MAP3K13: variants seen among roughly 807,000 people sequenced by gnomAD.
The protein encoded by MAP3K13 is mitogen-activated protein kinase kinase kinase 13.
Under a neutral mutation model 104.0 loss-of-function variants are expected in MAP3K13, and 52 were observed. That is an observed-to-expected ratio of 0.50 (90% CI 0.40 to 0.63). MAP3K13 has a LOEUF of 0.63. Among genes scored for constraint, MAP3K13 ranks in the 20% least tolerant of loss-of-function variants. MAP3K13 has a pLI of 0.00. For missense variants in MAP3K13, 914 were observed against 1,218.5 expected (o/e 0.75, Z 3.72); for synonymous variants, 394 against 442.2 (o/e 0.89, Z 1.37).
chr3:185,294,201 T>TTAAG (rs1198687071), intron 2 of MAP3K13, among the ~76,000 whole-genome samples: 1 of 152,154 alleles, frequency 6.6e-6, no homozygotes, highest in East Asian at 1.9e-4. Context: ...GTTTAATGAT[T>TTAAG]TAAGATAAAT....
chr3:185,384,176 C>T (rs1711547658), intron 1 of MAP3K13, among the ~76,000 whole-genome samples: 2 of 152,124 alleles, frequency 1.3e-5, no homozygotes, highest in Non-Finnish European at 2.9e-5. Context: ...TTAGCTCCCA[C>T]ATATGAATGA....
chr3:185,389,520 A>T (rs1711908114), intron 1 of MAP3K13, among the ~76,000 whole-genome samples: 1 of 152,126 alleles, frequency 6.6e-6, no homozygotes, highest in Non-Finnish European at 1.5e-5. Flanking sequence ...TAACCATGTA[A>T]AAAAGACTGC....
intron 2 of MAP3K13, among the ~76,000 whole-genome samples, chr3:185,334,789 A>G (rs965782907): frequency 6.6e-6 from 1 of 151,954 alleles, no homozygotes; most frequent in South Asian, 2.1e-4. Context: ...TTGTATTTTT[A>G]GTAGAGACGG....
chr3:185,468,444 C>T (rs1717585397), intron 10 of MAP3K13, among the ~76,000 whole-genome samples: 1 of 152,150 alleles, frequency 6.6e-6, no homozygotes, highest in South Asian at 2.1e-4. Context: ...GAATTCTCTT[C>T]CTCTCATTTT....
At chr3:185,291,494 C>A in intron 2 of MAP3K13, 2 of 920,426 alleles carry the variant, frequency 2.2e-6, no homozygotes, top group Non-Finnish European at 3.0e-6. Context: ...TCCTTTTGTT[C>A]TTTCAGCATG....
chr3:185,469,935 C>G (rs1049274597), intron 10 of MAP3K13, among the ~76,000 whole-genome samples: 9 of 152,152 alleles, frequency 5.9e-5, no homozygotes, highest in Admixed American at 2.0e-4. Context: ...GCTGTGAGCT[C>G]TTTGTCACAT....
chr3:185,393,659 C>T (rs1000315831), intron 1 of MAP3K13, among the ~76,000 whole-genome samples: 15 of 152,000 alleles, frequency 9.9e-5, no homozygotes, highest in African/African-American at 3.4e-4. Flanking sequence ...GGGGTTTCAC[C>T]GTGTTAGCCA....
At chr3:185,388,217 A>T (rs1711810317) in intron 1 of MAP3K13, among the ~76,000 whole-genome samples, 1 of 152,148 alleles carries the variant, frequency 6.6e-6, no homozygotes, top group Non-Finnish European at 1.5e-5. Context: ...AAGAAATTAA[A>T]GAGGCCAGGC....
intron 10 of MAP3K13, among the ~76,000 whole-genome samples, chr3:185,467,660 G>A (rs892467567): frequency 1.3e-5 from 2 of 151,888 alleles, no homozygotes; most frequent in African/African-American, 2.4e-5. Flanking sequence ...GCACGTGCCT[G>A]TAATCCCAGC....
intron 1 of MAP3K13, among the ~76,000 whole-genome samples, chr3:185,405,119 T>C (rs950729638): frequency 1.3e-5 from 2 of 152,224 alleles, no homozygotes; most frequent in African/African-American, 4.8e-5. Context: ...TATTTCTACC[T>C]GACTACTGTT....
chr3:185,391,936 C>T (rs771003129), intron 1 of MAP3K13, among the ~76,000 whole-genome samples: 24 of 151,914 alleles, frequency 1.6e-4, no homozygotes, highest in Admixed American at 2.6e-4. Flanking sequence ...GGGAGGTGAG[C>T]ATGGGTAGGT....
At chr3:185,376,564 C>G (rs956794238) in intron 1 of MAP3K13, among the ~76,000 whole-genome samples, 4 of 151,910 alleles carry the variant, frequency 2.6e-5, no homozygotes, top group African/African-American at 9.7e-5. Context: ...TTAGGGAGAG[C>G]CAGTGTGGGA....
At chr3:185,294,818 G>C (rs1720862328) in intron 2 of MAP3K13, among the ~76,000 whole-genome samples, 1 of 152,152 alleles carries the variant, frequency 6.6e-6, no homozygotes, top group African/African-American at 2.4e-5. Flanking sequence ...AGCTATCCCT[G>C]ACCTTCTTCC....
intron 1 of MAP3K13, among the ~76,000 whole-genome samples, chr3:185,365,058 T>G (rs1289041418): frequency 1.3e-5 from 2 of 152,220 alleles, no homozygotes; most frequent in Non-Finnish European, 2.9e-5. Context: ...ACTCTGTCTT[T>G]GATGCACATT....
In MAP3K13 at chr3:185,463,564, A is replaced by G; in HGVS notation, c.1293A>G (p.Glu431=). 6.2e-7 allele frequency: 1 copy of G among 1,602,408 alleles called. No homozygotes were observed. The highest frequency in any genetic ancestry group is 8.5e-7 in the Non-Finnish European group (1 of 1,169,792). Residue 431 remains glutamate, a synonymous_variant, in exon 8 of 14, where the codon GAA becomes GAG. Transcript: ENST00000265026. ...TCCTTACCCAGGCTGAATGGAGAGA[A>G]GAAGTGAAAAAACATTTTGAGAAGA... ...TYFKSQAEWR[E]EVKKHFEKIK... is the part of the protein sequence containing the mutation.
At chr3:185,467,670 C>G (rs547399999) in intron 10 of MAP3K13, among the ~76,000 whole-genome samples, 1 of 151,820 alleles carries the variant, frequency 6.6e-6, no homozygotes, top group African/African-American at 2.4e-5. Context: ...GTAATCCCAG[C>G]TACTCGGGAG....
At chr3:185,291,513 TA>T in intron 2 of MAP3K13, 1 of 1,080,670 alleles carries the variant, frequency 9.3e-7, no homozygotes, top group Non-Finnish European at 1.3e-6. Flanking sequence ...TGGTATCTAG[TA>T]ATCTGATTAA....
At chr3:185,303,281 G>A (rs933418493) in intron 2 of MAP3K13, among the ~76,000 whole-genome samples, 4 of 152,168 alleles carry the variant, frequency 2.6e-5, no homozygotes, top group Non-Finnish European at 4.4e-5. Context: ...AGGGATATCA[G>A]TCTGTAGTTT....
In MAP3K13 at chr3:185,418,794, C is replaced by T; in HGVS notation, c.-85-9703C>T. ...CACACGCCATGGCGGAGAGAGGAGA[C>T]AGCCACGCTCCTCTCAGCCCGGCTG... is the stretch of plus-strand genomic sequence containing the variant. On this transcript the variant is annotated intron_variant, in intron 1 of 13. Transcript: ENST00000265026. This position sits in a 1 kb window ranked among gnomAD's most constrained non-coding sequence, Gnocchi z 4.5. The T allele has an allele frequency of 2.5e-6, 4 of 1,588,682 alleles. No homozygotes were observed. Among genetic ancestry groups the T allele is most frequent in the Non-Finnish European group, 3.4e-6 (4 of 1,161,978 alleles).
Sources: allele counts gnomAD v4.1 joint callset (sites outside exome capture counted in the v4.1 genomes callset), GRCh38; gene constraint gnomAD v4.1.1; non-coding constraint Gnocchi (gnomAD v3.1); transcripts MANE v1.5; gene names NCBI Gene and HGNC (gene_info 2026-07-23, HGNC 2026-07-21).